NEK10: variants seen among roughly 807,000 people sequenced by gnomAD.
The protein encoded by NEK10 is NIMA related kinase 10, also known as serine/threonine-protein kinase Nek10.
NEK10 carries 122 observed loss-of-function variants against 159.8 expected under a neutral mutation model. The observed-to-expected ratio is 0.76, with a 90% CI of 0.66 to 0.89. NEK10 has a LOEUF of 0.89. Among genes scored for constraint, NEK10 ranks in the 40% least tolerant of loss-of-function variants. The pLI, the probability that NEK10 is intolerant of heterozygous loss-of-function variation, is 0.00. For synonymous variants in NEK10, 466 were observed against 457.1 expected (o/e 1.02, Z -0.25); for missense variants, 1,342 against 1,323.1 (o/e 1.01, Z -0.22).
chr3:27,322,318 A>G (rs2045701440), intron 5 of NEK10, 57 bp from the exon 6 acceptor site: 8 of 1,035,314 alleles, frequency 7.7e-6, no homozygotes, highest in Non-Finnish European at 1.2e-5. Flanking sequence ...GTGGCAATTC[A>G]TAAAAATGCA....
At chr3:27,135,147 G>A (rs911608261) in intron 31 of NEK10, among the ~76,000 whole-genome samples, 14 of 152,108 alleles carry the variant, frequency 9.2e-5, no homozygotes, top group South Asian at 2.1e-4. Context: ...AGCCAGGCAC[G>A]GTGGTTCATG....
chr3:27,265,107 C>T (rs939078891), intron 22 of NEK10, among the ~76,000 whole-genome samples: 20 of 151,890 alleles, frequency 1.3e-4, no homozygotes, highest in African/African-American at 4.8e-4. Flanking sequence ...GAGCATCTAC[C>T]AAAAAAAGCT....
chr3:27,307,948 A>G lies in NEK10; in HGVS notation c.717-3T>C, dbSNP rs762686424. 1.1e-5 allele frequency: 15 copies of G among 1,400,680 alleles called. No individual in the cohort carries two copies. Among genetic ancestry groups the G allele is most frequent in the Non-Finnish European group, 1.4e-5 (14 of 988,380 alleles). The allele number at this position is 1,400,680 out of a possible 1,614,324, so 86.8% of individuals were successfully genotyped here. On this transcript the variant is annotated splice_region_variant and splice_polypyrimidine_tract_variant and intron_variant, in intron 10 of 35. Coordinates refer to ENST00000691995, the MANE Select transcript of NEK10 (RefSeq NM_001394966.1). ...TTATCTTCTCCCTACATTCTTGACT[A>G]TAAATTGAAAAATATTAGCAATTAC...
chr3:27,156,931 TA>T (rs1352707930), intron 30 of NEK10, among the ~76,000 whole-genome samples: 8 of 5,292 alleles, frequency 1.5e-3, no homozygotes, highest in African/African-American at 0.01. Context: ...AAGAAACTGA[TA>T]TATATATATA....
intron 26 of NEK10, among the ~76,000 whole-genome samples, chr3:27,176,775 C>A (rs1174256738): frequency 6.6e-6 from 1 of 152,208 alleles, no homozygotes; most frequent in East Asian, 1.9e-4. Context: ...CATCTGCAAC[C>A]TTTTCAGGAC....
At chr3:27,224,628 A>T (rs927026777) in intron 23 of NEK10, among the ~76,000 whole-genome samples, 7 of 152,144 alleles carry the variant, frequency 4.6e-5, no homozygotes, top group African/African-American at 7.2e-5. Flanking sequence ...GTAACAGTAC[A>T]TTGTATTTGC....
intron 33 of NEK10, among the ~76,000 whole-genome samples, chr3:27,116,781 T>C (rs1940509121): frequency 1.3e-5 from 2 of 152,086 alleles, no homozygotes; most frequent in African/African-American, 4.8e-5. Flanking sequence ...ATTATAAGCA[T>C]GTGCCACCAT....
rs764521393 is a variant in NEK10 at position 27,107,664 on chromosome 3, T to C, written c.*3608A>G. The stretch of plus-strand genomic sequence containing the variant: ...AATATTCGGAAGCATTAAGCTTCCC[T>C]TACGTTGGAGCCCTTCATAGCTGTA... On this transcript the variant is annotated 3_prime_UTR_variant, in exon 36 of 36. Coordinates refer to ENST00000691995, the MANE Select transcript of NEK10 (RefSeq NM_001394966.1). Among the ~76,000 whole-genome samples the C allele has an allele frequency of 9.9e-5, 15 of 152,204 alleles. No individual in the cohort carries two copies. Among genetic ancestry groups the C allele is most frequent in the Non-Finnish European group, 1.9e-4 (13 of 68,022 alleles).
intron 26 of NEK10, among the ~76,000 whole-genome samples, chr3:27,176,682 C>T (rs917753120): frequency 7.9e-5 from 12 of 152,166 alleles, no homozygotes; most frequent in South Asian, 2.1e-4. Context: ...GAAGTAAAAA[C>T]CCAATTCAAG....
At chr3:27,351,537 A>T (rs906441682) in intron 3 of NEK10, among the ~76,000 whole-genome samples, 1 of 152,172 alleles carries the variant, frequency 6.6e-6, no homozygotes, top group African/African-American at 2.4e-5. Flanking sequence ...CAGGTAAAGC[A>T]GCGGGCACAT....
intron 1 of NEK10, among the ~76,000 whole-genome samples, chr3:27,355,302 C>T (rs974074856): frequency 6.6e-6 from 1 of 152,054 alleles, no homozygotes; most frequent in African/African-American, 2.4e-5. Flanking sequence ...GTTTTACATA[C>T]CATCAGCAAT....
chr3:27,344,362 T>C lies in NEK10; in HGVS notation c.272A>G (p.Tyr91Cys), dbSNP rs1177010589. The C allele has an allele frequency of 6.5e-7, 1 of 1,539,568 alleles. No homozygotes were observed. The highest frequency in any genetic ancestry group is 8.9e-7 in the Non-Finnish European group (1 of 1,119,154). ...TTTGCTGAAATTTCTCTCATTCTTG[T>C]AGTTTATACTGAGACAAAACAAACA... ...AVELENFSIN[Y>C]KNERNFSKHP... Residue 91 changes from tyrosine to cysteine, a missense_variant, in exon 5 of 36, where the codon TAC (tyrosine) becomes TGC (cysteine). Coordinates refer to ENST00000691995, the MANE Select transcript of NEK10 (RefSeq NM_001394966.1).
intron 31 of NEK10, among the ~76,000 whole-genome samples, chr3:27,138,355 C>A (rs1943434513): frequency 6.6e-6 from 1 of 152,216 alleles, no homozygotes; most frequent in Non-Finnish European, 1.5e-5. Flanking sequence ...CCCAGAGGGA[C>A]ACTTCGCTTC....
chr3:27,136,747 A>G (rs1049451182), intron 31 of NEK10, among the ~76,000 whole-genome samples: 2 of 152,156 alleles, frequency 1.3e-5, no homozygotes, highest in Non-Finnish European at 2.9e-5. Flanking sequence ...CCTGCCTTCT[A>G]AAATAGTTGC....
chr3:27,285,508 T>C (rs479566), intron 20 of NEK10, among the ~76,000 whole-genome samples: 96,014 of 150,530 alleles, frequency 0.64, 32,855 homozygotes, highest in African/African-American at 0.91. Flanking sequence ...TTCTGTTATG[T>C]CTTTCAAAAG....
intron 23 of NEK10, among the ~76,000 whole-genome samples, chr3:27,254,648 G>C (rs1955998186): frequency 6.6e-6 from 1 of 150,682 alleles, no homozygotes; most frequent in Non-Finnish European, 1.5e-5. Context: ...AGAGAAGGGA[G>C]TAGAAAGAAA....
At chr3:27,317,559 C>T (rs978931661) in intron 6 of NEK10, among the ~76,000 whole-genome samples, 14 of 152,080 alleles carry the variant, frequency 9.2e-5, no homozygotes, top group Non-Finnish European at 1.6e-4. Flanking sequence ...AAAATAGACT[C>T]AATAATATAA....
Position 27,291,294 on chromosome 3 carries a change from G to A in NEK10, c.1573C>T (p.Leu525Phe), listed in dbSNP as rs1402134190. ...ACACAGCCAAAAGCTCCACTTCCAA[G>A]ATGATCCAAAATTGCATAGTTGCCT... ...YIGNYAILDH[L>F]GSGAFGCVYK... Residue 525 changes from leucine to phenylalanine, a missense_variant, in exon 18 of 36, where the codon CTT becomes TTT. Transcript: ENST00000691995. 6.2e-7 allele frequency: 1 copy of A among 1,613,658 alleles called. No homozygotes were observed. The highest frequency in any genetic ancestry group is 8.5e-7 in the Non-Finnish European group (1 of 1,179,816).
intron 30 of NEK10, among the ~76,000 whole-genome samples, chr3:27,143,686 C>T (rs1157050991): frequency 6.6e-6 from 1 of 152,100 alleles, no homozygotes; most frequent in African/African-American, 2.4e-5. Context: ...CCTATAAAAA[C>T]AAGCAAGCAA....
Sources: allele counts gnomAD v4.1 joint callset (sites outside exome capture counted in the v4.1 genomes callset), GRCh38; gene constraint gnomAD v4.1.1; transcripts MANE v1.5; gene names NCBI Gene and HGNC (gene_info 2026-07-23, HGNC 2026-07-21).